The following DLD variants were observed in gnomAD, a reference collection of about 807,000 sequenced individuals.
The protein encoded by DLD is dihydrolipoamide dehydrogenase.
Under a neutral mutation model 62.2 loss-of-function variants are expected in DLD, and 36 were observed. The ratio of observed to expected loss-of-function variants is 0.58; its 90% confidence interval spans 0.44 to 0.76. The LOEUF (loss-of-function observed/expected upper bound fraction) is 0.76. DLD is among the 30% of genes least tolerant of loss of function. DLD has a pLI of 0.00. For synonymous variants in DLD, 204 were observed against 199.6 expected (o/e 1.02, Z -0.19); for missense variants, 541 against 608.6 (o/e 0.89, Z 1.17).
At chr7:107,915,814 C>A in intron 9 of DLD, 118 bp downstream of exon 9, 1 of 809,138 alleles carries the variant, frequency 1.2e-6, no homozygotes, top group Non-Finnish European at 2.0e-6. Flanking sequence ...CATTTTATTA[C>A]TTAATATAAC....
intron 8 of DLD, among the ~76,000 whole-genome samples, chr7:107,909,026 G>C (rs939658387): frequency 1.3e-5 from 2 of 152,114 alleles, no homozygotes; most frequent in African/African-American, 4.8e-5. Flanking sequence ...TAATGTTCTG[G>C]GTTGTAGAGA....
At chr7:107,903,752 C>T (rs1584463543) in intron 5 of DLD, 3 of 447,952 alleles carry the variant, frequency 6.7e-6, no homozygotes, top group South Asian at 2.3e-5. Flanking sequence ...CCAAGCCTAA[C>T]CCTGCAAATC....
intron 5 of DLD, 181 bp downstream of exon 5, chr7:107,903,728 C>G: frequency 2.1e-6 from 1 of 475,574 alleles, no homozygotes; most frequent in East Asian, 3.9e-5. Context: ...CAGATTTCTC[C>G]CAGCCAAGTA....
rs1466290130 is a variant in DLD, at chr7:107,916,819, G to A, written c.901G>A (p.Ala301Thr). 5 of 1,613,142 alleles carry A rather than the reference G, an allele frequency of 3.1e-6. No homozygotes were observed. Among genetic ancestry groups the A allele is most frequent in the Admixed American group, 1.7e-5 (1 of 59,828 alleles). Residue 301 changes from alanine (A) to threonine (T), a missense_variant, in exon 10 of 14, where the codon GCT (alanine) becomes ACT (threonine). Physicochemically the swap from Ala to Thr is moderately conservative, Grantham distance 58. Transcript: ENST00000205402. The stretch of plus-strand genomic sequence containing the variant: ...TATTGAAGCTGCTTCTGGTGGTAAA[G>A]CTGAAGTTATCACTTGTGATGTACT... ...VSIEAASGGK[A>T]EVITCDVLLV...
chr7:107,911,774 A>G (rs2032149376), intron 8 of DLD, among the ~76,000 whole-genome samples: 1 of 152,034 alleles, frequency 6.6e-6, no homozygotes, highest in Admixed American at 6.6e-5. Flanking sequence ...TGATATATTC[A>G]TATAATTAAA....
At chr7:107,900,213 G>A (rs1286220117) in intron 2 of DLD, among the ~76,000 whole-genome samples, 1 of 151,942 alleles carries the variant, frequency 6.6e-6, no homozygotes, top group East Asian at 1.9e-4. Context: ...GGATAATTGG[G>A]CTGAGTAACT....
At chr7:107,918,403 T>C (rs2032322929) in intron 12 of DLD, among the ~76,000 whole-genome samples, 1 of 152,202 alleles carries the variant, frequency 6.6e-6, no homozygotes. Flanking sequence ...TTTTCTGCTC[T>C]CTTTTACTCA....
Position 107,891,612 on chromosome 7 carries a change from G to A in DLD, c.39+323G>A, listed in dbSNP as rs888822012. ...CACATAGGCCTCTACCTTGGAGGAA[G>A]TGTAAGCCACCCATGTCCCGTATAG... On this transcript the variant is annotated intron_variant, in intron 1 of 13. Transcript: ENST00000205402. 10 of 530,226 alleles carry A rather than the reference G, an allele frequency of 1.9e-5. 1 individual carries two copies. The highest frequency in any genetic ancestry group is 3.2e-5 in the Admixed American group (1 of 31,466). The allele number at this position is 530,226 out of a possible 1,614,324, so 32.8% of individuals were successfully genotyped here. A position where few individuals can be genotyped will look rare whatever the true frequency, so the allele number is the denominator to read the frequency against.
chr7:107,916,611 G>A (rs1418432592), intron 9 of DLD, among the ~76,000 whole-genome samples, 183 bp from the exon 10 acceptor site: 2 of 152,106 alleles, frequency 1.3e-5, no homozygotes, highest in Non-Finnish European at 2.9e-5. Context: ...GGTGGAGGTT[G>A]CAGTGAGCCG....
upstream of DLD, chr7:107,891,114 C>T (rs1172383045): frequency 2.7e-6 from 3 of 1,106,834 alleles, no homozygotes; most frequent in Non-Finnish European, 4.1e-6. Flanking sequence ...GGTAGAACCG[C>T]GCGGGCCAAT....
At chr7:107,911,813 G>A (rs551471343) in intron 8 of DLD, among the ~76,000 whole-genome samples, 10 of 151,742 alleles carry the variant, frequency 6.6e-5, no homozygotes, top group Admixed American at 4.6e-4. Flanking sequence ...CCATCACCTC[G>A]AACATTTTTT....
At chr7:107,892,064 G>C (rs1188469343) in intron 1 of DLD, among the ~76,000 whole-genome samples, 2 of 152,160 alleles carry the variant, frequency 1.3e-5, no homozygotes, top group African/African-American at 4.8e-5. Flanking sequence ...ATGCTTTTAG[G>C]GAGCGGCGGA....
At chr7:107,891,793 T>G (rs2031585672) in intron 1 of DLD, among the ~76,000 whole-genome samples, 1 of 152,210 alleles carries the variant, frequency 6.6e-6, no homozygotes, top group Admixed American at 6.5e-5. Context: ...CCTAAGGTCT[T>G]GTCAGTGTTG....
intron 2 of DLD, among the ~76,000 whole-genome samples, chr7:107,899,223 C>G (rs1158293120): frequency 2.6e-5 from 4 of 151,404 alleles, no homozygotes; most frequent in East Asian, 1.9e-4. Context: ...CTCCTGTATT[C>G]TCAGTTGACA....
At chr7:107,918,210 AC>A in intron 12 of DLD, 149 bp downstream of exon 12, 1 of 835,052 alleles carries the variant, frequency 1.2e-6, no homozygotes, top group Non-Finnish European at 2.0e-6. Flanking sequence ...CTAGAAGGAT[AC>A]CAGCAGCACT....
chr7:107,896,403 C>A (rs1001173763), intron 2 of DLD, among the ~76,000 whole-genome samples: 1 of 152,190 alleles, frequency 6.6e-6, no homozygotes, highest in Non-Finnish European at 1.5e-5. Flanking sequence ...CCCTAGGCTG[C>A]AGGTGTCATC....
At chr7:107,903,671 A>C in intron 5 of DLD, 124 bp downstream of exon 5, 1 of 574,584 alleles carries the variant, frequency 1.7e-6, no homozygotes, top group South Asian at 1.8e-5. Context: ...TAAAATAAAT[A>C]ATCTAAAAAA....
intron 2 of DLD, among the ~76,000 whole-genome samples, chr7:107,895,585 C>A (rs2031700505): frequency 6.6e-6 from 1 of 152,240 alleles, no homozygotes; most frequent in African/African-American, 2.4e-5. Flanking sequence ...ATTGGGCTAA[C>A]TACTGGAGTA....
chr7:107,919,612 C>A lies in DLD; in HGVS notation c.*353C>A. The A allele has an allele frequency of 4.6e-6, 1 of 216,594 alleles. No homozygotes were observed. The allele number at this position is 216,594 out of a possible 1,614,324, so 13.4% of individuals were successfully genotyped here. A position where few individuals can be genotyped will look rare whatever the true frequency, so the allele number is the denominator to read the frequency against. On this transcript the variant is annotated 3_prime_UTR_variant, in exon 14 of 14. Coordinates refer to ENST00000205402, the MANE Select transcript of DLD (RefSeq NM_000108.5). ...AAAGTTGAATTTTACATGGCTGGAG[C>A]TAGAATTTGATATGTGAACAGTTGT... is the stretch of plus-strand genomic sequence containing the variant.
Sources: allele counts gnomAD v4.1 joint callset (sites outside exome capture counted in the v4.1 genomes callset), GRCh38; gene constraint gnomAD v4.1.1; transcripts MANE v1.5; gene names NCBI Gene and HGNC (gene_info 2026-07-23, HGNC 2026-07-21).